CYP2U1: variants seen among roughly 807,000 people sequenced by gnomAD.
The protein encoded by CYP2U1 is cytochrome P450 family 2 subfamily U member 1, also known as cytochrome P450 2U1.
In CYP2U1, 28 loss-of-function variants were observed where a neutral mutation model predicts 42.8. That is an observed-to-expected ratio of 0.65 (90% CI 0.48 to 0.90). CYP2U1 has a LOEUF of 0.90. CYP2U1 is among the 40% of genes least tolerant of loss of function. The pLI is 0.00. For synonymous variants in CYP2U1, 296 were observed against 278.9 expected (o/e 1.06, Z -0.61); for missense variants, 642 against 693.8 (o/e 0.93, Z 0.84).
At chr4:107,940,390 T>A (rs1733446599) in intron 1 of CYP2U1, 1 of 152,192 alleles carries the variant, frequency 6.6e-6, no homozygotes, top group African/African-American at 2.4e-5. Context: ...CCGGCAGATT[T>A]TGCTATTTTA....
In CYP2U1 at chr4:107,931,807, G is replaced by A. The variant is rs745929667; in HGVS notation, c.164G>A (p.Arg55Gln). 1.6e-5 allele frequency: 24 copies of A among 1,516,492 alleles called. No individual in the cohort carries two copies. The South Asian group carries it at 2.0e-4, about 13-fold the overall frequency. 93.9% of individuals were successfully genotyped at this position (1,516,492 alleles called of 1,614,324 possible). ...GGCTGGAGCTGGCTGCGGAGGCGCC[G>A]GGCGCGGGGCATCCCGCCCGGGCCC... ...LLGWSWLRRR[R>Q]ARGIPPGPTP... is the part of the protein sequence containing the mutation. Residue 55 changes from arginine to glutamine, a missense_variant, in exon 1 of 5, where the codon CGG becomes CAG. Coordinates refer to ENST00000332884, the MANE Select transcript of CYP2U1 (RefSeq NM_183075.3).
intron 1 of CYP2U1, among the ~76,000 whole-genome samples, chr4:107,942,374 A>G (rs911970744): frequency 2.0e-5 from 3 of 152,256 alleles, no homozygotes; most frequent in African/African-American, 7.2e-5. Context: ...TAAAGGAAAA[A>G]GAAATTAAAT....
chr4:107,946,481 G>A (rs1469353101), intron 2 of CYP2U1, among the ~76,000 whole-genome samples: 1 of 151,852 alleles, frequency 6.6e-6, no homozygotes, highest in Non-Finnish European at 1.5e-5. Context: ...CTTTTGCCAT[G>A]TAAGGTATTA....
At chr4:107,941,439 TG>T (rs1733491530) in intron 1 of CYP2U1, among the ~76,000 whole-genome samples, 2 of 152,120 alleles carry the variant, frequency 1.3e-5, no homozygotes, top group South Asian at 4.1e-4. Flanking sequence ...CTTTCTCTAT[TG>T]GACATATAGA....
chr4:107,934,692 A>G (rs1733195657), intron 1 of CYP2U1, among the ~76,000 whole-genome samples: 2 of 151,948 alleles, frequency 1.3e-5, no homozygotes, highest in Admixed American at 6.6e-5. Context: ...GTACATTTCA[A>G]CCTGACCTTC....
intron 1 of CYP2U1, chr4:107,940,558 TAAAGG>T (rs947163099): frequency 3.3e-5 from 5 of 151,836 alleles, no homozygotes; most frequent in African/African-American, 1.2e-4. Flanking sequence ...GATTTTACAC[TAAAGG>T]AAAGATTTAA....
intron 1 of CYP2U1, among the ~76,000 whole-genome samples, chr4:107,939,663 A>G (rs1011904938): frequency 5.3e-5 from 8 of 152,232 alleles, no homozygotes; most frequent in African/African-American, 1.9e-4. Context: ...TTTACCATGC[A>G]GAATCTCAAA....
intron 1 of CYP2U1, chr4:107,936,280 A>T (rs1160314616): frequency 1.3e-5 from 2 of 152,228 alleles, no homozygotes; most frequent in Non-Finnish European, 2.9e-5. Flanking sequence ...GGTGTCCCCA[A>T]ATGTTTATGT....
At chr4:107,944,696 T>C (rs747699913) in intron 1 of CYP2U1, among the ~76,000 whole-genome samples, 4 of 151,266 alleles carry the variant, frequency 2.6e-5, no homozygotes, top group Non-Finnish European at 5.9e-5. Context: ...TCATTGCTTT[T>C]CATTTCACCA....
chr4:107,950,174 A>G, intron 4 of CYP2U1, 71 bp from the exon 5 acceptor site: 1 of 1,419,106 alleles, frequency 7.0e-7, no homozygotes, highest in Non-Finnish European at 9.6e-7. Context: ...ATTTCATATA[A>G]ATTTGTACTT....
intron 3 of CYP2U1, among the ~76,000 whole-genome samples, chr4:107,948,944 C>G (rs1733811817): frequency 6.6e-6 from 1 of 152,074 alleles, no homozygotes; most frequent in South Asian, 2.1e-4. Context: ...ATTTCTTTAT[C>G]TTAGTTTACC....
rs1216561872 is a variant in CYP2U1 at position 107,931,638 on chromosome 4, C to G, written c.-6C>G. ...AGGGGAACCCGAGGCCGCCGGCGCC[C>G]GGACCATGTCGTCTCCGGGGCCGTC... is the stretch of plus-strand genomic sequence containing the variant. On this transcript the variant is annotated 5_prime_UTR_variant, in exon 1 of 5. Coordinates refer to ENST00000332884, the MANE Select transcript of CYP2U1 (RefSeq NM_183075.3). 1.6e-6 allele frequency: 2 copies of G among 1,255,258 alleles called. No individual in the cohort carries two copies. Among genetic ancestry groups the G allele is most frequent in the Non-Finnish European group, 2.0e-6 (2 of 1,003,966 alleles). The allele number at this position is 1,255,258 out of a possible 1,614,324, so 77.8% of individuals were successfully genotyped here.
At chr4:107,944,023 G>A (rs1333228039) in intron 1 of CYP2U1, among the ~76,000 whole-genome samples, 1 of 152,192 alleles carries the variant, frequency 6.6e-6, no homozygotes, top group African/African-American at 2.4e-5. Flanking sequence ...CAGGGCTGCT[G>A]CCGACAACAG....
At chr4:107,935,063 A>C (rs958399849) in intron 1 of CYP2U1, among the ~76,000 whole-genome samples, 20 of 152,254 alleles carry the variant, frequency 1.3e-4, no homozygotes, top group Non-Finnish European at 1.5e-4. Flanking sequence ...CGTGCATACA[A>C]GCATCTATTG....
At chr4:107,947,267 C>A (rs1578731354) in intron 2 of CYP2U1, 109 bp from the exon 3 acceptor site, 4 of 936,198 alleles carry the variant, frequency 4.3e-6, no homozygotes, top group Middle Eastern at 3.2e-4. Flanking sequence ...CAGGCCTGAA[C>A]TGCCAACTGA....
chr4:107,935,078 A>G (rs1317715440), intron 1 of CYP2U1, among the ~76,000 whole-genome samples: 2 of 152,204 alleles, frequency 1.3e-5, no homozygotes, highest in Non-Finnish European at 2.9e-5. Context: ...CTATTGATGT[A>G]TGTATCACAT....
rs1371856079 is a variant in CYP2U1, at chr4:107,952,251, C to T, written c.*1828C>T. 6.6e-6 allele frequency: 1 copy of T among 152,118 alleles called. No individual in the cohort carries two copies. 9.4% of individuals were successfully genotyped at this position (152,118 alleles called of 1,614,324 possible). The stretch of plus-strand genomic sequence containing the variant: ...TCAGTGTATATTATTTGTTAATGTC[C>T]ATTAAAGCCAGTTTTTAAAAAAATC... On this transcript the variant is annotated 3_prime_UTR_variant, in exon 5 of 5. Coordinates refer to ENST00000332884, the MANE Select transcript of CYP2U1 (RefSeq NM_183075.3).
At chr4:107,944,839 C>CATACATACATACATATAT (rs1553937413) in intron 1 of CYP2U1, 131 bp from the exon 2 acceptor site, 1 of 63,218 alleles carries the variant, frequency 1.6e-5, no homozygotes, top group African/African-American at 6.5e-5. Flanking sequence ...TTTATATATA[C>CATACATACATACATATAT]ATATATATAT....
chr4:107,932,312 A>G (rs1472331564), intron 1 of CYP2U1, 179 bp downstream of exon 1: 2 of 697,688 alleles, frequency 2.9e-6, no homozygotes, highest in African/African-American at 3.9e-5. Context: ...TGCCTTTAAG[A>G]TCCCATCAAG....
Sources: allele counts gnomAD v4.1 joint callset (sites outside exome capture counted in the v4.1 genomes callset), GRCh38; gene constraint gnomAD v4.1.1; transcripts MANE v1.5; gene names NCBI Gene and HGNC (gene_info 2026-07-23, HGNC 2026-07-21).